The following ZNF610 variants were observed in gnomAD, a reference collection of about 807,000 sequenced individuals.
ZNF610 encodes the protein zinc finger protein 610.
Under a neutral mutation model 14.1 loss-of-function variants are expected in ZNF610, and 14 were observed. The ratio of observed to expected loss-of-function variants is 0.99; its 90% CI spans 0.65 to 1.55. ZNF610 has a LOEUF of 1.55. Ranked by LOEUF, ZNF610 falls within the 40% of genes most tolerant of loss-of-function variation. The pLI is 0.00. For synonymous variants in ZNF610, 185 were observed against 187.6 expected (o/e 0.99, Z 0.11); for missense variants, 530 against 558.0 (o/e 0.95, Z 0.51).
upstream of ZNF610, among the ~76,000 whole-genome samples, chr19:52,335,055 G>A (rs2122152758): frequency 1.4e-5 from 1 of 71,972 alleles, no homozygotes; most frequent in East Asian, 2.3e-4. Flanking sequence ...CAGCACTTTG[G>A]GGGCCGGGGC....
chr19:52,354,480 A>G lies in ZNF610; in HGVS notation c.319+101A>G, dbSNP rs528756805. On this transcript the variant is annotated intron_variant, in intron 5 of 5. Transcript: ENST00000403906. ...CCCAGGCTGTAGTGCAGTGGCAATC[A>G]TAGCTCACTGCAGCCTCAAACTCCT... is the stretch of plus-strand genomic sequence containing the variant. 4.5e-5 allele frequency: 59 copies of G among 1,319,344 alleles called. 1 individual carries two copies. The South Asian group carries it at 8.2e-4, about 18-fold the overall frequency. 81.7% of individuals were successfully genotyped at this position (1,319,344 alleles called of 1,614,324 possible).
At chr19:52,346,320 A>G (rs1485786922) in intron 1 of ZNF610, among the ~76,000 whole-genome samples, 1 of 150,658 alleles carries the variant, frequency 6.6e-6, no homozygotes. Context: ...ATGCGCCACC[A>G]TGCCCAGCTA....
At chr19:52,357,517 C>T (rs950388324) in intron 5 of ZNF610, among the ~76,000 whole-genome samples, 23 of 151,858 alleles carry the variant, frequency 1.5e-4, no homozygotes, top group African/African-American at 4.8e-4. Context: ...TGGTTGCAGA[C>T]GCCTGTAGTC....
intron 5 of ZNF610, among the ~76,000 whole-genome samples, chr19:52,362,146 T>C (rs1310129495): frequency 1.3e-5 from 2 of 152,134 alleles, no homozygotes. Context: ...ACTATGGGAT[T>C]ACGCCTGTAA....
chr19:52,341,684 T>C (rs1023384407), intron 1 of ZNF610, among the ~76,000 whole-genome samples: 8 of 152,162 alleles, frequency 5.3e-5, no homozygotes, highest in African/African-American at 1.7e-4. Context: ...TGGAGTGCAG[T>C]GAGGCAATCA....
At chr19:52,358,914 C>T (rs573553990) in intron 5 of ZNF610, among the ~76,000 whole-genome samples, 2 of 152,196 alleles carry the variant, frequency 1.3e-5, no homozygotes, top group Non-Finnish European at 2.9e-5. Flanking sequence ...TGTCCTCTCT[C>T]GTTACATGGT....
chr19:52,352,329 C>T (rs543654425), intron 3 of ZNF610, among the ~76,000 whole-genome samples: 1 of 152,198 alleles, frequency 6.6e-6, no homozygotes, highest in South Asian at 2.1e-4. Context: ...ACCTCTGTCT[C>T]GCAGGTTCAA....
At chr19:52,346,885 A>G (rs1459423464) in intron 1 of ZNF610, among the ~76,000 whole-genome samples, 1 of 151,280 alleles carries the variant, frequency 6.6e-6, no homozygotes, top group Non-Finnish European at 1.5e-5. Context: ...CTGTGCCACC[A>G]CTCCGAGCTA....
chr19:52,347,233 A>T (rs964930180), intron 1 of ZNF610: 1 of 152,124 alleles, frequency 6.6e-6, no homozygotes, highest in Non-Finnish European at 1.5e-5. Flanking sequence ...GATGGTCCCC[A>T]CCCTGTGTAG....
At chr19:52,362,960 C>G (rs890342636) in intron 5 of ZNF610, among the ~76,000 whole-genome samples, 15 of 151,856 alleles carry the variant, frequency 9.9e-5, no homozygotes, top group Non-Finnish European at 1.5e-4. Context: ...TTCTTCTTCT[C>G]TTTGATTTTT....
At position 52,366,047 on chromosome 19, in the gene ZNF610, A is replaced by G; in HGVS notation, c.669A>G (p.Gln223=). 1 of 1,614,130 alleles carries G rather than the reference A, an allele frequency of 6.2e-7. No individual in the cohort carries two copies. ...FRVRASLTNH[Q]VIHTAEKPYK... is the part of the protein sequence containing the mutation. ...TCCGTGCAAGCCTTACTAACCATCA[A>G]GTAATCCATACTGCAGAGAAACCTT... is the stretch of plus-strand genomic sequence containing the variant. The change falls in exon 6 of 6, where the codon CAA becomes CAG. Residue 223 remains glutamine (Q), a synonymous_variant. Transcript: ENST00000403906.
intron 5 of ZNF610, among the ~76,000 whole-genome samples, chr19:52,356,066 G>A (rs897250973): frequency 6.6e-6 from 1 of 152,178 alleles, no homozygotes; most frequent in Non-Finnish European, 1.5e-5. Context: ...ACCCACAAAG[G>A]TTGCCTCATT....
chr19:52,367,574 G>C lies in ZNF610; in HGVS notation c.*807G>C, dbSNP rs1043879463. ...CAGAAAAGTGTGTGTGTGTGTATGT[G>C]TGTGAGACATAAAACAACATACGCT... On this transcript the variant is annotated 3_prime_UTR_variant, in exon 6 of 6. Transcript: ENST00000403906. The C allele has an allele frequency of 2.7e-5, 4 of 148,858 alleles. No homozygotes were observed. Among genetic ancestry groups the C allele is most frequent in the Non-Finnish European group, 5.9e-5 (4 of 67,576 alleles). The allele number at this position is 148,858 out of a possible 1,614,324, so 9.2% of individuals were successfully genotyped here.
chr19:52,364,983 C>T (rs562066602), intron 5 of ZNF610, among the ~76,000 whole-genome samples: 16 of 152,248 alleles, frequency 1.1e-4, no homozygotes, highest in African/African-American at 2.2e-4. Flanking sequence ...CGGTGGCTCA[C>T]GCCTGTAATC....
At chr19:52,335,417 C>A (rs143399574), upstream of ZNF610, among the ~76,000 whole-genome samples, 110 of 152,324 alleles carry the variant, frequency 7.2e-4, no homozygotes, top group African/African-American at 2.6e-3. Flanking sequence ...CGGAGATGCC[C>A]CGTTCGTTCT....
chr19:52,331,714 G>A (rs1429847896), upstream of ZNF610, among the ~76,000 whole-genome samples: 1 of 152,204 alleles, frequency 6.6e-6, no homozygotes, highest in Non-Finnish European at 1.5e-5. Flanking sequence ...TTGCAAGCCT[G>A]CTGTGAACCA....
chr19:52,334,386 G>C (rs1366511472), upstream of ZNF610, among the ~76,000 whole-genome samples: 1 of 25,202 alleles, frequency 4.0e-5, no homozygotes, highest in African/African-American at 2.1e-4. Flanking sequence ...GGTGGCACGT[G>C]CCTGTAGTCC....
intron 1 of ZNF610, among the ~76,000 whole-genome samples, chr19:52,340,065 G>T (rs1343760401): frequency 6.6e-6 from 1 of 152,190 alleles, no homozygotes; most frequent in Non-Finnish European, 1.5e-5. Context: ...TAGCAAAGTT[G>T]AGTTAACCTG....
chr19:52,339,135 C>T (rs1243521783), intron 1 of ZNF610, among the ~76,000 whole-genome samples: 3 of 151,970 alleles, frequency 2.0e-5, no homozygotes, highest in African/African-American at 7.3e-5. Context: ...GTATTGCTGC[C>T]AGCATGTCTC....
Sources: allele counts gnomAD v4.1 joint callset (sites outside exome capture counted in the v4.1 genomes callset), GRCh38; gene constraint gnomAD v4.1.1; transcripts MANE v1.5; gene names NCBI Gene and HGNC (gene_info 2026-07-23, HGNC 2026-07-21).